JAKMIP3: variants seen among roughly 807,000 people sequenced by gnomAD.
The protein encoded by JAKMIP3 is janus kinase and microtubule-interacting protein 3.
JAKMIP3 carries 58 observed loss-of-function variants against 118.5 expected under a neutral mutation model. That is an observed-to-expected ratio of 0.49 (90% CI 0.40 to 0.61). JAKMIP3 has a LOEUF of 0.61. Ranked by LOEUF, JAKMIP3 falls within the 20% of genes least tolerant of loss-of-function variation. The probability of loss-of-function intolerance (pLI) is 0.00; values close to 1 mark genes in which losing one functional copy is unlikely to be tolerated. For missense variants in JAKMIP3, 950 were observed against 1,109.0 expected (o/e 0.86, Z 2.04); for synonymous variants, 486 against 451.2 (o/e 1.08, Z -0.98).
Position 132,142,046 on chromosome 10 carries a change from A to G in JAKMIP3, c.1600A>G (p.Lys534Glu), listed in dbSNP as rs2053607251. Residue 534 changes from lysine to glutamate, a missense_variant and splice_region_variant, in exon 11 of 24, where the codon AAG becomes GAG. Transcript: ENST00000684848. ...GGTLDAEREVKTREQLQAEVQ... is the reference protein window; with the variant it reads ...GGTLDAEREVETREQLQAEVQ... ...GACGCTGGACGCAGAGCGAGAAGTTAAGGTCTACGTGACTTCCACCGCGCG... is the reference window on the plus strand; with the variant it reads ...GACGCTGGACGCAGAGCGAGAAGTTGAGGTCTACGTGACTTCCACCGCGCG... 3 of 1,593,488 alleles carry G rather than the reference A, an allele frequency of 1.9e-6. No individual in the cohort carries two copies. Among genetic ancestry groups the G allele is most frequent in the African/African-American group, 2.9e-5 (2 of 70,134 alleles).
chr10:132,061,168 A>AGCACACACACACCTGCCGTGACGGCGC (rs2038379464), upstream of JAKMIP3, among the ~76,000 whole-genome samples: 1 of 151,536 alleles, frequency 6.6e-6, no homozygotes, highest in Admixed American at 6.6e-5. Flanking sequence ...AGGTATCAAT[A>AGCACACACACACCTGCCGTGACGGCGC]GCACACACAC....
At chr10:132,171,486 C>T (rs1394018837) in intron 23 of JAKMIP3, among the ~76,000 whole-genome samples, 4 of 152,180 alleles carry the variant, frequency 2.6e-5, no homozygotes, top group African/African-American at 9.6e-5. Context: ...AGACGCGAGA[C>T]GTTACTGTGC....
Position 132,135,160 on chromosome 10 carries a change from G to C in JAKMIP3, c.969G>C (p.Leu323=). The C allele has an allele frequency of 3.7e-6, 6 of 1,601,252 alleles. No homozygotes were observed. The highest frequency in any genetic ancestry group is 5.1e-6 in the Non-Finnish European group (6 of 1,170,882). Residue 323 remains leucine, a splice_region_variant and synonymous_variant, in exon 5 of 24, where the codon CTG becomes CTC. Transcript: ENST00000684848. ...NALLSEERNE[L]LKRVREAESQ... is the part of the protein sequence containing the mutation. Reference sequence around the variant, plus strand: ...TGCTGTCGGAAGAGAGGAATGAGCTGGTGAGCGCGGGCGGGGGCTTCTGGC... The same window carrying C: ...TGCTGTCGGAAGAGAGGAATGAGCTCGTGAGCGCGGGCGGGGGCTTCTGGC...
chr10:132,156,643 A>C (rs1358250278), intron 19 of JAKMIP3, among the ~76,000 whole-genome samples: 6 of 152,134 alleles, frequency 3.9e-5, no homozygotes, highest in Non-Finnish European at 7.3e-5. Context: ...TGGCCCTGAC[A>C]TGCCCCACTC....
chr10:132,171,047 G>A (rs895129328), intron 23 of JAKMIP3, among the ~76,000 whole-genome samples: 2 of 152,354 alleles, frequency 1.3e-5, no homozygotes, highest in African/African-American at 4.8e-5. Flanking sequence ...ACCTGTCCCC[G>A]CTGGAGCACC....
chr10:132,078,527 A>G lies in JAKMIP3; in HGVS notation c.-138+12466A>G, dbSNP rs571438379. Among the ~76,000 whole-genome samples, 119 of 147,426 alleles carry G rather than the reference A, an allele frequency of 8.1e-4. 1 individual carries two copies. In the South Asian group the frequency reaches 0.025, roughly 31 times the overall value. On this transcript the variant is annotated intron_variant, in intron 1 of 23. Transcript: ENST00000684848. ...AAGGTAGAAAGGCAATGATCCATAG[A>G]TTCATTTCTCCTCAAGTCAGCAGCC...
Position 132,138,105 on chromosome 10 carries a change from A to G in JAKMIP3, c.1285-14A>G. On this transcript the variant is annotated splice_polypyrimidine_tract_variant and intron_variant, in intron 8 of 23. Transcript: ENST00000684848. Reference sequence around the variant, plus strand: ...CTCTACCACTTACACAACCTCTTCAACTGGCTTCCGCAGGAGCGGGACAAG... The same window carrying G: ...CTCTACCACTTACACAACCTCTTCAGCTGGCTTCCGCAGGAGCGGGACAAG... The G allele has an allele frequency of 6.2e-7, 1 of 1,610,398 alleles. No individual in the cohort carries two copies.
chr10:132,075,165 A>G (rs2040584149), intron 1 of JAKMIP3, among the ~76,000 whole-genome samples: 1 of 152,098 alleles, frequency 6.6e-6, no homozygotes, highest in Non-Finnish European at 1.5e-5. Flanking sequence ...TTTGAACTCC[A>G]TATTAATTTT....
rs1360137617 is a variant in JAKMIP3, at chr10:132,166,925, CA to C, written c.2491-55del. The stretch of plus-strand genomic sequence containing the variant: ...CGTGTATTTCTTGCCAGAAGCACTA[CA>C]AACTCTTTTTTCTCTTTCTTTCCTT... On this transcript the variant is annotated intron_variant, in intron 21 of 23. Coordinates refer to ENST00000684848, the MANE Select transcript of JAKMIP3 (RefSeq NM_001323087.2). The C allele has an allele frequency of 5.7e-5, 73 of 1,280,132 alleles. 3 individuals are homozygous for C. The Middle Eastern group carries it at 5.8e-3, about 103-fold the overall frequency. 79.3% of individuals were successfully genotyped at this position (1,280,132 alleles called of 1,614,324 possible).
chr10:132,052,110 A>G (rs2038120756), intron 1 of JAKMIP3, among the ~76,000 whole-genome samples: 1 of 152,148 alleles, frequency 6.6e-6, no homozygotes, highest in African/African-American at 2.4e-5. Context: ...CTGTAGTCCC[A>G]GCTACTCAAG....
At chr10:132,093,153 G>GC (rs1256749743) in intron 1 of JAKMIP3, among the ~76,000 whole-genome samples, 1 of 152,178 alleles carries the variant, frequency 6.6e-6, no homozygotes, top group Non-Finnish European at 1.5e-5. Context: ...GGGGTGCCCG[G>GC]CCGTGTGAGG....
intron 2 of JAKMIP3, among the ~76,000 whole-genome samples, chr10:132,110,358 G>A (rs925785216): frequency 2.0e-5 from 3 of 152,260 alleles, no homozygotes; most frequent in African/African-American, 4.8e-5. Flanking sequence ...TCCCAAGGCC[G>A]GATCCCAACG....
intron 17 of JAKMIP3, among the ~76,000 whole-genome samples, chr10:132,153,293 C>T (rs1356918976): frequency 6.6e-6 from 1 of 152,222 alleles, no homozygotes; most frequent in Non-Finnish European, 1.5e-5. Context: ...GGTGAGTCTG[C>T]AGGCAGCGTT....
chr10:132,062,637 A>AT, upstream of JAKMIP3, among the ~76,000 whole-genome samples: 1 of 152,400 alleles, frequency 6.6e-6, no homozygotes, highest in African/African-American at 2.4e-5. Flanking sequence ...CAATTATGCT[A>AT]TTTCTCCAAA....
chr10:132,140,284 G>A (rs894206295), intron 9 of JAKMIP3, among the ~76,000 whole-genome samples, 167 bp from the exon 10 acceptor site: 6 of 151,980 alleles, frequency 3.9e-5, no homozygotes, highest in East Asian at 3.9e-4. Context: ...GCCATAGAGC[G>A]CCCCTCACAC....
At position 132,167,953 on chromosome 10, in the gene JAKMIP3, C is replaced by A. The variant is rs1425437204; in HGVS notation, c.*23C>A. 9 of 1,289,322 alleles carry A rather than the reference C, an allele frequency of 7.0e-6. No individual in the cohort carries two copies. Among genetic ancestry groups the A allele is most frequent in the South Asian group, 1.2e-5 (1 of 81,028 alleles). The allele number at this position is 1,289,322 out of a possible 1,614,324, so 79.9% of individuals were successfully genotyped here. On this transcript the variant is annotated splice_region_variant and 3_prime_UTR_variant, in exon 23 of 24. Transcript: ENST00000684848. ...GCACTCTACGTTTCATTTCTTCCAG[C>A]CCCACATTGAATCGGACCCTTTTCC...
intron 1 of JAKMIP3, among the ~76,000 whole-genome samples, chr10:132,048,421 C>G (rs2037992402): frequency 6.6e-6 from 1 of 152,164 alleles, no homozygotes; most frequent in African/African-American, 2.4e-5. Context: ...TGTTCCTTCT[C>G]CCCATTTGTC....
intron 13 of JAKMIP3, 36 bp from the exon 14 acceptor site, chr10:132,147,916 C>T: frequency 6.9e-7 from 1 of 1,450,718 alleles, no homozygotes; most frequent in Non-Finnish European, 9.5e-7. Flanking sequence ...TGAGAGAGAA[C>T]CAGACCCCTC....
At chr10:132,108,689 C>T (rs1437079993) in intron 2 of JAKMIP3, among the ~76,000 whole-genome samples, 1 of 151,948 alleles carries the variant, frequency 6.6e-6, no homozygotes, top group Middle Eastern at 3.2e-3. Flanking sequence ...AAACCTGGAC[C>T]TTCCCAGCCA....
Sources: gnomAD v4.1 joint callset for allele counts (sites outside exome capture counted in the v4.1 genomes callset) on GRCh38, gnomAD v4.1.1 for gene constraint, MANE v1.5 for transcripts, NCBI Gene and HGNC (gene_info 2026-07-23, HGNC 2026-07-21) for gene names.